Variants in CPNE8 observed in about 807,000 individuals in gnomAD.
CPNE8 encodes the protein copine-8.
Under a neutral mutation model 81.5 loss-of-function variants are expected in CPNE8, and 45 were observed. That is an observed-to-expected ratio of 0.55 (90% CI 0.44 to 0.71). The LOEUF (loss-of-function observed/expected upper bound fraction) is 0.71. CPNE8 is among the 30% of genes least tolerant of loss of function. The pLI is 0.00. For synonymous variants in CPNE8, 252 were observed against 226.3 expected, an observed-to-expected ratio of 1.11 and a Z score of -1.02; for missense variants, 594 against 672.1, an observed-to-expected ratio of 0.88 and a Z score of 1.28.
intron 8 of CPNE8, among the ~76,000 whole-genome samples, chr12:38,762,605 A>C (rs761990521): frequency 1.4e-4 from 22 of 152,212 alleles, no homozygotes; most frequent in Non-Finnish European, 2.6e-4. Flanking sequence ...CAGTGGGTTT[A>C]AGAAAGAGAA....
chr12:38,897,063 G>C (rs1159601539), intron 1 of CPNE8, among the ~76,000 whole-genome samples: 1 of 152,074 alleles, frequency 6.6e-6, no homozygotes, highest in Non-Finnish European at 1.5e-5. Context: ...GGTTCCAAAA[G>C]TTGAAACAGG....
At chr12:38,748,104 A>G (rs1164973798) in intron 10 of CPNE8, among the ~76,000 whole-genome samples, 5 of 151,462 alleles carry the variant, frequency 3.3e-5, no homozygotes, top group Non-Finnish European at 7.4e-5. Context: ...TCCGCTTCCC[A>G]GGCTTAAGCG....
At chr12:38,759,375 C>T (rs1403103358) in intron 10 of CPNE8, among the ~76,000 whole-genome samples, 4 of 152,086 alleles carry the variant, frequency 2.6e-5, no homozygotes, top group Non-Finnish European at 5.9e-5. Context: ...TTCTATTATT[C>T]TGAGCAGCAA....
chr12:38,868,750 A>C (rs780401717), intron 3 of CPNE8, among the ~76,000 whole-genome samples: 1 of 152,170 alleles, frequency 6.6e-6, no homozygotes, highest in Non-Finnish European at 1.5e-5. Flanking sequence ...TTTTCTCTTG[A>C]ACATCAAGTA....
chr12:38,765,241 C>T (rs917924921), intron 8 of CPNE8, among the ~76,000 whole-genome samples: 3 of 151,994 alleles, frequency 2.0e-5, no homozygotes, highest in Non-Finnish European at 4.4e-5. Flanking sequence ...GTAGCTTTGC[C>T]TAACATTCAG....
intron 6 of CPNE8, among the ~76,000 whole-genome samples, chr12:38,829,027 T>C (rs1452462082): frequency 2.0e-5 from 3 of 152,190 alleles, no homozygotes; most frequent in African/African-American, 4.8e-5. Flanking sequence ...ATTTATGAAA[T>C]ACATGGTATT....
At chr12:38,802,600 T>C (rs1288298709) in intron 6 of CPNE8, among the ~76,000 whole-genome samples, 2 of 146,238 alleles carry the variant, frequency 1.4e-5, no homozygotes, top group Non-Finnish European at 3.0e-5. Flanking sequence ...TTAAAAGAAC[T>C]ATAAAAGCAA....
chr12:38,860,466 G>C (rs1183927265), intron 3 of CPNE8, among the ~76,000 whole-genome samples: 1 of 148,980 alleles, frequency 6.7e-6, no homozygotes, highest in East Asian at 2.0e-4. Flanking sequence ...TGGTGGAATT[G>C]TAAAATGGTG....
At chr12:38,899,177 C>T (rs1056313589) in intron 1 of CPNE8, among the ~76,000 whole-genome samples, 6 of 152,076 alleles carry the variant, frequency 3.9e-5, no homozygotes, top group Non-Finnish European at 5.9e-5. Flanking sequence ...TGAATGTTTG[C>T]GTCCCCCCAA....
At chr12:38,667,465 T>A (rs1160542751) in intron 19 of CPNE8, among the ~76,000 whole-genome samples, 1 of 152,176 alleles carries the variant, frequency 6.6e-6, no homozygotes. Flanking sequence ...TGCCAATTCT[T>A]TTACACAATG....
Position 38,677,566 on chromosome 12 carries a change from C to G in CPNE8, c.1272-12G>C, listed in dbSNP as rs189606759. On this transcript the variant is annotated splice_polypyrimidine_tract_variant and intron_variant, in intron 16 of 19. Coordinates refer to ENST00000331366, the MANE Select transcript of CPNE8 (RefSeq NM_153634.3). ...CAGAAGAAGCATATCTGAAAGGCAA[C>G]GAAAAGGTAAGGAAAGTAAAACAGT... The G allele has an allele frequency of 1.3e-6, 2 of 1,529,784 alleles. No homozygotes were observed. The highest frequency in any genetic ancestry group is 1.8e-6 in the Non-Finnish European group (2 of 1,105,212). The allele number at this position is 1,529,784 out of a possible 1,614,324, so 94.8% of individuals were successfully genotyped here. A position where few individuals can be genotyped will look rare whatever the true frequency, so the allele number is the denominator to read the frequency against.
intron 7 of CPNE8, among the ~76,000 whole-genome samples, chr12:38,774,235 G>T (rs919448452): frequency 3.3e-5 from 5 of 152,064 alleles, no homozygotes; most frequent in Non-Finnish European, 5.9e-5. Flanking sequence ...AGAACAGATA[G>T]TACTGTATTC....
intron 4 of CPNE8, among the ~76,000 whole-genome samples, chr12:38,844,918 CT>C (rs754814471): frequency 5.9e-5 from 9 of 152,166 alleles, no homozygotes; most frequent in Non-Finnish European, 5.9e-5. Flanking sequence ...TCAATTTACA[CT>C]AGTGCATCTT....
At chr12:38,819,866 T>C (rs757402435) in intron 6 of CPNE8, among the ~76,000 whole-genome samples, 18 of 151,590 alleles carry the variant, frequency 1.2e-4, no homozygotes, top group Non-Finnish European at 2.1e-4. Flanking sequence ...AAGATAAGTG[T>C]GATGCTTATG....
chr12:38,902,317 A>AAGG, intron 1 of CPNE8, among the ~76,000 whole-genome samples: 2 of 59,450 alleles, frequency 3.4e-5, no homozygotes, highest in East Asian at 5.8e-4. Flanking sequence ...GGAAGGAAGG[A>AAGG]AAGAAAGAAA....
intron 5 of CPNE8, among the ~76,000 whole-genome samples, chr12:38,834,736 CA>C (rs1403772229): frequency 6.6e-6 from 1 of 152,094 alleles, no homozygotes; most frequent in Non-Finnish European, 1.5e-5. Context: ...AAGAAAAATC[CA>C]AACTCTTTTT....
At chr12:38,701,239 T>C (rs1939935101) in intron 14 of CPNE8, among the ~76,000 whole-genome samples, 1 of 152,202 alleles carries the variant, frequency 6.6e-6, no homozygotes, top group Non-Finnish European at 1.5e-5. Flanking sequence ...TGAAGCTATC[T>C]GGCCCTGGGT....
intron 6 of CPNE8, among the ~76,000 whole-genome samples, chr12:38,780,928 G>T (rs1005224939): frequency 1.3e-4 from 20 of 151,788 alleles, no homozygotes; most frequent in Non-Finnish European, 2.1e-4. Context: ...GAGAAGCCAA[G>T]GAAATACTAA....
chr12:38,748,961 A>C (rs1314364438), intron 10 of CPNE8, among the ~76,000 whole-genome samples: 1 of 152,148 alleles, frequency 6.6e-6, no homozygotes, highest in Non-Finnish European at 1.5e-5. Context: ...GTTATATATT[A>C]AGTTATATGT....
Sources: allele counts gnomAD v4.1 joint callset (sites outside exome capture counted in the v4.1 genomes callset), GRCh38; gene constraint gnomAD v4.1.1; transcripts MANE v1.5; gene names NCBI Gene and HGNC (gene_info 2026-07-23, HGNC 2026-07-21).